COMMD1: variants seen among roughly 807,000 people sequenced by gnomAD.
The protein encoded by COMMD1 is COMM domain-containing protein 1.
A neutral mutation model predicts 17.2 loss-of-function variants in COMMD1; 10 were observed. That is an observed-to-expected ratio of 0.58 (90% confidence interval 0.36 to 0.99). The LOEUF (loss-of-function observed/expected upper bound fraction) is 0.99. Ranked by LOEUF, COMMD1 falls within the 50% of genes least tolerant of loss-of-function variation. COMMD1 has a pLI of 0.01. For synonymous variants in COMMD1, 97 were observed against 91.6 expected (o/e 1.06, Z -0.34); for missense variants, 270 against 231.8 (o/e 1.17, Z -1.07).
chr2:61,956,988 T>C (rs576383429), intron 1 of COMMD1, among the ~76,000 whole-genome samples: 1 of 151,940 alleles, frequency 6.6e-6, no homozygotes, highest in Non-Finnish European at 1.5e-5. Flanking sequence ...TGACCTCAAG[T>C]GATCCACCCG....
chr2:62,015,736 C>T (rs1669425169), intron 2 of COMMD1, among the ~76,000 whole-genome samples: 1 of 147,032 alleles, frequency 6.8e-6, no homozygotes, highest in East Asian at 2.0e-4. Context: ...AGTTGTCATC[C>T]GAATGTATAT....
intron 1 of COMMD1, among the ~76,000 whole-genome samples, chr2:61,989,484 A>G (rs1397710250): frequency 1.4e-5 from 2 of 146,876 alleles, no homozygotes; most frequent in East Asian, 3.9e-4. Flanking sequence ...TTTTTTTGAG[A>G]CAGAGTTTCA....
Position 62,109,904 on chromosome 2 carries a change from C to T in COMMD1, c.463-25927C>T, listed in dbSNP as rs1573197175. Among the ~76,000 whole-genome samples, 4 of 141,740 alleles carry T rather than the reference C, an allele frequency of 2.8e-5. 1 individual carries two copies. Among genetic ancestry groups the T allele is most frequent in the African/African-American group, 1.0e-4 (4 of 38,314 alleles). 93.0% of individuals were successfully genotyped at this position (141,740 alleles called of 152,430 possible). On this transcript the variant is annotated intron_variant, in intron 2 of 2. Transcript: ENST00000311832. ...GTCTCATGACATGAAAAGTATTAAT[C>T]TACCTTATCTTGATCTTTTTTTTTT...
chr2:62,030,135 C>T (rs1049010543), intron 2 of COMMD1, among the ~76,000 whole-genome samples: 7 of 152,226 alleles, frequency 4.6e-5, no homozygotes, highest in Non-Finnish European at 1.0e-4. Context: ...GCATGCATTT[C>T]GTCCTTCTGG....
At chr2:62,017,724 G>A (rs932694254) in intron 2 of COMMD1, among the ~76,000 whole-genome samples, 2 of 151,446 alleles carry the variant, frequency 1.3e-5, no homozygotes, top group African/African-American at 2.4e-5. Context: ...GTGTGGCTCT[G>A]TTCATGTAAT....
chr2:61,901,577 C>T (rs1669657665), upstream of COMMD1, among the ~76,000 whole-genome samples: 1 of 152,038 alleles, frequency 6.6e-6, no homozygotes, highest in African/African-American at 2.4e-5. Context: ...GAGTAGAGAT[C>T]CTGCCATTGT....
chr2:62,002,713 G>T (rs904974464), intron 2 of COMMD1, among the ~76,000 whole-genome samples: 1 of 149,004 alleles, frequency 6.7e-6, no homozygotes, highest in South Asian at 2.1e-4. Flanking sequence ...ACAAATTGCC[G>T]GGCATGGTGG....
intron 2 of COMMD1, among the ~76,000 whole-genome samples, chr2:62,105,327 G>A (rs905743805): frequency 2.0e-5 from 3 of 151,678 alleles, no homozygotes. Context: ...TTTTGTTTGG[G>A]GTTCATATTT....
At chr2:61,990,351 T>A (rs1672214881) in intron 1 of COMMD1, among the ~76,000 whole-genome samples, 1 of 152,180 alleles carries the variant, frequency 6.6e-6, no homozygotes, top group South Asian at 2.1e-4. Flanking sequence ...AATTAAGCTT[T>A]GTATTTAGAG....
At chr2:61,916,869 A>C (rs952997921) in intron 1 of COMMD1, among the ~76,000 whole-genome samples, 5 of 152,164 alleles carry the variant, frequency 3.3e-5, no homozygotes, top group Non-Finnish European at 7.3e-5. Context: ...TTTATTGCTA[A>C]GACATTTTGG....
chr2:61,970,592 C>T (rs1671622878), intron 1 of COMMD1, among the ~76,000 whole-genome samples: 1 of 152,126 alleles, frequency 6.6e-6, no homozygotes, highest in South Asian at 2.1e-4. Flanking sequence ...ATTATAGACA[C>T]AGATTTTTAT....
At chr2:61,951,417 G>A (rs1212686040) in intron 1 of COMMD1, among the ~76,000 whole-genome samples, 3 of 150,104 alleles carry the variant, frequency 2.0e-5, no homozygotes, top group Non-Finnish European at 4.4e-5. Context: ...CCGACATCGT[G>A]CCACAGCACT....
At chr2:62,133,786 C>G (rs961581031) in intron 2 of COMMD1, among the ~76,000 whole-genome samples, 1 of 151,800 alleles carries the variant, frequency 6.6e-6, no homozygotes, top group Non-Finnish European at 1.5e-5. Flanking sequence ...TTTTTCATGC[C>G]CATAAAACTT....
intron 1 of COMMD1, among the ~76,000 whole-genome samples, chr2:61,948,999 T>A (rs1670984321): frequency 6.6e-6 from 1 of 152,188 alleles, no homozygotes. Context: ...GGGCACGGTG[T>A]CTTTGCACCT....
At chr2:62,015,108 A>G (rs1669399984) in intron 2 of COMMD1, among the ~76,000 whole-genome samples, 3 of 152,184 alleles carry the variant, frequency 2.0e-5, no homozygotes, top group South Asian at 2.1e-4. Context: ...TTGTATAACC[A>G]TCACCACTAT....
intron 1 of COMMD1, among the ~76,000 whole-genome samples, chr2:61,922,044 C>G (rs186324471): frequency 2.0e-4 from 30 of 152,152 alleles, no homozygotes; most frequent in Non-Finnish European, 1.0e-4. Flanking sequence ...TAGTAACAGA[C>G]TATACAAGAA....
intron 2 of COMMD1, among the ~76,000 whole-genome samples, chr2:62,019,114 TCC>T (rs1669539558): frequency 2.2e-5 from 2 of 89,738 alleles, no homozygotes; most frequent in Non-Finnish European, 4.3e-5. Flanking sequence ...CCTCCCTCCC[TCC>T]CTCCCTCCCT....
At chr2:61,947,884 G>T (rs796588239) in intron 1 of COMMD1, among the ~76,000 whole-genome samples, 3 of 144,596 alleles carry the variant, frequency 2.1e-5, no homozygotes, top group Non-Finnish European at 4.4e-5. Flanking sequence ...AAACACAATT[G>T]TTGAAATAGT....
chr2:62,022,554 T>A (rs1669639954), intron 2 of COMMD1, among the ~76,000 whole-genome samples: 2 of 151,608 alleles, frequency 1.3e-5, no homozygotes, highest in Admixed American at 1.3e-4. Flanking sequence ...AATGTTTGGA[T>A]GTTGTCTTTG....
Sources: allele counts gnomAD v4.1 joint callset (sites outside exome capture counted in the v4.1 genomes callset), GRCh38; gene constraint gnomAD v4.1.1; transcripts MANE v1.5; gene names NCBI Gene and HGNC (gene_info 2026-07-23, HGNC 2026-07-21).